Variants in RARB observed in about 807,000 individuals in gnomAD.
The protein encoded by RARB is HBV-activated protein.
RARB carries 17 observed loss-of-function variants against 51.9 expected under a neutral mutation model. That is an observed-to-expected ratio of 0.33 (90% CI 0.22 to 0.49). The LOEUF is 0.49. Ranked by LOEUF, RARB falls within the 20% of genes least tolerant of loss-of-function variation. RARB has a pLI of 0.99. For synonymous variants in RARB, 215 were observed against 195.4 expected, an observed-to-expected ratio of 1.10 and a Z score of -0.84; for missense variants, 369 against 550.8, an observed-to-expected ratio of 0.67 and a Z score of 3.30.
chr3:25,107,875 T>C (rs1699535884), intron 3 of RARB, among the ~76,000 whole-genome samples: 1 of 152,180 alleles, frequency 6.6e-6, no homozygotes, highest in South Asian at 2.1e-4. Flanking sequence ...CAGCATATAA[T>C]TTTTCTTTCC....
chr3:25,432,458 G>A lies in RARB; in HGVS notation c.157+3570G>A, dbSNP rs568797942. ...ATGTAAAGCCCTTGCATTGAAGCAG[G>A]TCTTTTTTCCTTAATAGATAAATGA... On this transcript the variant is annotated intron_variant, in intron 1 of 7. Transcript: ENST00000330688. Among the ~76,000 whole-genome samples the A allele has an allele frequency of 1.2e-4, 18 of 152,282 alleles. 1 individual carries two copies. The highest frequency in any genetic ancestry group is 3.8e-4 in the African/African-American group (16 of 41,560).
At chr3:25,583,562 G>A (rs3773432) in intron 5 of RARB, among the ~76,000 whole-genome samples, 11,887 of 152,322 alleles carry the variant, frequency 0.078, 601 homozygotes, top group Admixed American at 0.11. Flanking sequence ...TGCGGGACAC[G>A]CAGCCGAGGC....
intron 3 of RARB, among the ~76,000 whole-genome samples, chr3:25,104,516 T>C (rs1328199563): frequency 6.6e-6 from 1 of 152,106 alleles, no homozygotes; most frequent in African/African-American, 2.4e-5. Context: ...TAGCAGTGCA[T>C]ATCTATAGTT....
intron 4 of RARB, among the ~76,000 whole-genome samples, chr3:25,144,612 A>G (rs1281413869): frequency 6.6e-6 from 1 of 152,248 alleles, no homozygotes; most frequent in Admixed American, 6.5e-5. Flanking sequence ...GGTAGTTGGC[A>G]TAGTGCCAGG....
chr3:25,320,778 C>T (rs1704548314), intron 5 of RARB, among the ~76,000 whole-genome samples: 1 of 152,000 alleles, frequency 6.6e-6, no homozygotes, highest in Admixed American at 6.6e-5. Context: ...TGTTTTTGAC[C>T]AGAGATATGA....
chr3:25,434,134 AG>A (rs1289796119), intron 1 of RARB, among the ~76,000 whole-genome samples: 2 of 152,176 alleles, frequency 1.3e-5, no homozygotes, highest in Non-Finnish European at 2.9e-5. Context: ...TCCTCTAGTC[AG>A]GGCTCAGGGA....
At chr3:24,857,481 A>G (rs1215994424) in intron 1 of RARB, among the ~76,000 whole-genome samples, 1 of 152,222 alleles carries the variant, frequency 6.6e-6, no homozygotes, top group Admixed American at 6.5e-5. Context: ...TATGTCCCCA[A>G]TACAAATATG....
intron 3 of RARB, among the ~76,000 whole-genome samples, chr3:25,111,620 C>T (rs1355641351): frequency 2.1e-5 from 3 of 143,998 alleles, no homozygotes; most frequent in African/African-American, 7.7e-5. Flanking sequence ...AGTCTGTCAC[C>T]CAGGCTAGAA....
chr3:25,347,978 C>A (rs1705445275), intron 5 of RARB, among the ~76,000 whole-genome samples: 1 of 152,166 alleles, frequency 6.6e-6, no homozygotes, highest in African/African-American at 2.4e-5. Flanking sequence ...TCCTTGAGGG[C>A]AATACTGGCC....
At chr3:25,091,938 C>T (rs928186106) in intron 3 of RARB, among the ~76,000 whole-genome samples, 20 of 152,122 alleles carry the variant, frequency 1.3e-4, no homozygotes, top group Admixed American at 2.0e-4. Context: ...GATATATTTT[C>T]AGAATCTGAG....
intron 1 of RARB, among the ~76,000 whole-genome samples, chr3:25,444,823 G>C (rs1264471670): frequency 6.6e-6 from 1 of 152,190 alleles, no homozygotes; most frequent in Admixed American, 6.5e-5. Flanking sequence ...GTGTGAGTCA[G>C]TTTTACAAGC....
chr3:25,248,550 T>G (rs1702626214), intron 5 of RARB, among the ~76,000 whole-genome samples: 1 of 152,222 alleles, frequency 6.6e-6, no homozygotes, highest in Admixed American at 6.5e-5. Flanking sequence ...TTTATACTTT[T>G]GTGAGTTTTC....
At position 25,027,439 on chromosome 3, in the gene RARB, G is replaced by A. The variant is rs536058570; in HGVS notation, c.-379-32686G>A. 2.0e-5 allele frequency among the ~76,000 whole-genome samples: 3 copies of A among 152,062 alleles called. No homozygotes were observed. The South Asian group carries it at 6.2e-4, about 32-fold the overall frequency. ...CATCTTCCCCCCCATATGATTTATA[G>A]GGAGACATTCATTTCTGAAATTCTG... On this transcript the variant is annotated intron_variant, in intron 2 of 11. Transcript: ENST00000383772.
At chr3:25,288,387 G>A (rs1004245487) in intron 5 of RARB, among the ~76,000 whole-genome samples, 1 of 152,188 alleles carries the variant, frequency 6.6e-6, no homozygotes, top group African/African-American at 2.4e-5. Flanking sequence ...CTAGACTGTA[G>A]TGAGAATTAC....
intron 5 of RARB, among the ~76,000 whole-genome samples, chr3:25,341,870 C>A (rs1705238345): frequency 6.6e-6 from 1 of 152,006 alleles, no homozygotes. Context: ...TCCTGACACA[C>A]CTCAAACTAC....
At chr3:25,148,086 G>A (rs1413088203) in intron 4 of RARB, among the ~76,000 whole-genome samples, 2 of 152,128 alleles carry the variant, frequency 1.3e-5, no homozygotes, top group Non-Finnish European at 2.9e-5. Flanking sequence ...AACCACTCAG[G>A]AATTCTGTTA....
rs548513598 is a variant in RARB at position 25,093,295 on chromosome 3, G to A, written c.-328+33119G>A. Among the ~76,000 whole-genome samples, 5 of 152,232 alleles carry A rather than the reference G, an allele frequency of 3.3e-5. No homozygotes were observed. The East Asian group carries it at 9.7e-4, about 29-fold the overall frequency. ...TGTTGTTCTTTTAATTTTTGTTGGT[G>A]AAAATTAGGAAGTAGTATTTCTCAG... On this transcript the variant is annotated intron_variant, in intron 3 of 11. Transcript: ENST00000383772.
At chr3:25,419,401 G>A (rs923698872) in intron 5 of RARB, among the ~76,000 whole-genome samples, 39 of 152,154 alleles carry the variant, frequency 2.6e-4, no homozygotes, top group African/African-American at 8.4e-4. Flanking sequence ...GCCTTAGCAG[G>A]ATTCTGGCTC....
At chr3:25,235,785 T>A (rs1394292523) in intron 5 of RARB, among the ~76,000 whole-genome samples, 2 of 152,192 alleles carry the variant, frequency 1.3e-5, no homozygotes, top group African/African-American at 2.4e-5. Context: ...CTTTGACTAT[T>A]ACTCACTTTT....
Sources: gnomAD v4.1 joint callset for allele counts (sites outside exome capture counted in the v4.1 genomes callset) on GRCh38, gnomAD v4.1.1 for gene constraint, MANE v1.5 for transcripts, NCBI Gene and HGNC (gene_info 2026-07-23, HGNC 2026-07-21) for gene names.